The following MYLK variants were observed in gnomAD, a reference collection of about 807,000 sequenced individuals.
MYLK encodes myosin light chain kinase.
In MYLK, 106 loss-of-function variants were observed where a neutral mutation model predicts 203.4. The ratio of observed to expected loss-of-function variants is 0.52; its 90% CI spans 0.45 to 0.61. The LOEUF (loss-of-function observed/expected upper bound fraction) is 0.61. Ranked by LOEUF, MYLK falls within the 20% of genes least tolerant of loss-of-function variation. MYLK has a pLI of 0.00. For missense variants in MYLK, 2,072 were observed against 2,442.3 expected (o/e 0.85, Z 3.20); for synonymous variants, 867 against 959.5 (o/e 0.90, Z 1.78).
At chr3:123,614,501 A>T (rs145669444) in intron 33 of MYLK, 152 bp from the exon 34 acceptor site, 3 of 790,526 alleles carry the variant, frequency 3.8e-6, no homozygotes, top group Non-Finnish European at 6.3e-6. Context: ...TGATATCTAC[A>T]TTAGAATATG....
intron 31 of MYLK, chr3:123,622,044 G>A (rs1048289313): frequency 6.6e-6 from 1 of 152,276 alleles, no homozygotes; most frequent in Non-Finnish European, 1.5e-5. Context: ...TGTAGAGAGA[G>A]AGAGACCCAG....
At chr3:123,864,593 A>G (rs1055189325) in intron 2 of MYLK, among the ~76,000 whole-genome samples, 5 of 152,202 alleles carry the variant, frequency 3.3e-5, no homozygotes, top group African/African-American at 1.2e-4. Flanking sequence ...ACTTTGCTGT[A>G]TACTTGAAAA....
At chr3:123,769,285 T>C (rs1286605928) in intron 4 of MYLK, among the ~76,000 whole-genome samples, 2 of 152,222 alleles carry the variant, frequency 1.3e-5, no homozygotes, top group African/African-American at 4.8e-5. Flanking sequence ...ACTCCAAGCA[T>C]ATTTGGATAA....
intron 4 of MYLK, among the ~76,000 whole-genome samples, chr3:123,753,987 C>T (rs1014463498): frequency 6.6e-6 from 1 of 152,204 alleles, no homozygotes; most frequent in Non-Finnish European, 1.5e-5. Context: ...CTACTCACAC[C>T]CCCTGCAAGG....
intron 24 of MYLK, among the ~76,000 whole-genome samples, chr3:123,654,333 C>T (rs1576445629): frequency 6.6e-6 from 1 of 152,070 alleles, no homozygotes; most frequent in Admixed American, 6.6e-5. Flanking sequence ...CTATTTTGTA[C>T]CTAATTTTCA....
At chr3:123,739,911 A>G in intron 6 of MYLK, 42 bp downstream of exon 6, 1 of 1,609,628 alleles carries the variant, frequency 6.2e-7, no homozygotes, top group South Asian at 1.1e-5. Context: ...TCAGCAGGAA[A>G]GCAATCCAAC....
chr3:123,796,423 T>C (rs973019422), intron 3 of MYLK, among the ~76,000 whole-genome samples: 3 of 152,058 alleles, frequency 2.0e-5, no homozygotes, highest in Admixed American at 1.3e-4. Flanking sequence ...AATTGGCTGA[T>C]GGGAAAGGAA....
At chr3:123,647,950 C>T (rs931731901) in intron 26 of MYLK, among the ~76,000 whole-genome samples, 5 of 152,178 alleles carry the variant, frequency 3.3e-5, no homozygotes, top group Non-Finnish European at 5.9e-5. Flanking sequence ...TGGGTGGAGA[C>T]AGCCCTTCCC....
intron 3 of MYLK, among the ~76,000 whole-genome samples, chr3:123,794,669 G>C (rs2064920232): frequency 6.6e-6 from 1 of 152,186 alleles, no homozygotes. Flanking sequence ...GCTGGCAAGG[G>C]TAGCAGAACA....
chr3:123,822,188 T>C (rs951789634), intron 3 of MYLK, among the ~76,000 whole-genome samples: 1 of 152,210 alleles, frequency 6.6e-6, no homozygotes, highest in Admixed American at 6.5e-5. Context: ...CTCTATTCTT[T>C]ATAAATTACC....
chr3:123,747,504 C>T (rs1344709778), intron 5 of MYLK, among the ~76,000 whole-genome samples: 2 of 152,170 alleles, frequency 1.3e-5, no homozygotes, highest in African/African-American at 2.4e-5. Flanking sequence ...GATTCTGATG[C>T]ATGCTCAAGT....
At chr3:123,827,744 TATATAA>T (rs2066177671) in intron 3 of MYLK, among the ~76,000 whole-genome samples, 6 of 75,134 alleles carry the variant, frequency 8.0e-5, no homozygotes, top group South Asian at 4.5e-4. Context: ...TATATATATA[TATATAA>T]AGACTCTACC....
At position 123,620,345 on chromosome 3, in the gene MYLK, T is replaced by C. The variant is rs1370568997; in HGVS notation, c.5239-9A>G. The C allele has an allele frequency of 1.3e-5, 21 of 1,613,818 alleles. No individual in the cohort carries two copies. The highest frequency in any genetic ancestry group is 5.0e-5 in the Admixed American group (3 of 59,978). Reference sequence around the variant, plus strand: ...ACAGCATTGCCCGTTTTCTGGAAAATAGACACGAGGGTTGGACTCAGGCGT... The same window carrying C: ...ACAGCATTGCCCGTTTTCTGGAAAACAGACACGAGGGTTGGACTCAGGCGT... On this transcript the variant is annotated splice_polypyrimidine_tract_variant and intron_variant, in intron 31 of 33. Coordinates refer to ENST00000360304, the MANE Select transcript of MYLK (RefSeq NM_053025.4).
intron 12 of MYLK, among the ~76,000 whole-genome samples, chr3:123,722,911 C>T (rs932543877): frequency 6.6e-6 from 1 of 151,364 alleles, no homozygotes; most frequent in African/African-American, 2.4e-5. Context: ...AAAAATGACT[C>T]GGCTCCTTTT....
intron 2 of MYLK, among the ~76,000 whole-genome samples, chr3:123,840,370 T>TTATATATATATATA (rs56361020): frequency 8.9e-4 from 133 of 148,690 alleles, no homozygotes; most frequent in African/African-American, 3.1e-3. Context: ...CCTACAGACA[T>TTATATATATATATA]TATATATATA....
intron 31 of MYLK, chr3:123,624,200 C>A (rs1372774239): frequency 6.6e-6 from 1 of 152,064 alleles, no homozygotes; most frequent in Non-Finnish European, 1.5e-5. Context: ...TGGCATATGC[C>A]TGTAGTCCCA....
intron 3 of MYLK, among the ~76,000 whole-genome samples, chr3:123,822,633 C>G (rs1168928420): frequency 6.6e-6 from 1 of 152,168 alleles, no homozygotes. Flanking sequence ...GTTCTATGAC[C>G]ACGTTTGTGG....
At position 123,774,596 on chromosome 3, in the gene MYLK, G is replaced by A. The variant is rs147827938; in HGVS notation, c.165+19081C>T. On this transcript the variant is annotated intron_variant, in intron 4 of 33. Transcript: ENST00000360304. ...TTTCAGGGGAGTCAAACAGAATCAC[G>A]GGCAAGAAAGTTCCAAGTATCAAAA... Among the ~76,000 whole-genome samples, 279 of 152,254 alleles carry A rather than the reference G, an allele frequency of 1.8e-3. 1 individual carries two copies. The highest frequency in any genetic ancestry group is 0.01 in the Middle Eastern group (3 of 294).
chr3:123,773,826 A>C (rs984920113), intron 4 of MYLK, among the ~76,000 whole-genome samples: 5 of 152,262 alleles, frequency 3.3e-5, no homozygotes, highest in Admixed American at 2.0e-4. Flanking sequence ...CACCCCTGCC[A>C]CGAAAACGTT....
Sources: allele counts gnomAD v4.1 joint callset (sites outside exome capture counted in the v4.1 genomes callset), GRCh38; gene constraint gnomAD v4.1.1; transcripts MANE v1.5; gene names NCBI Gene and HGNC (gene_info 2026-07-23, HGNC 2026-07-21).